The following ADARB2 variants were observed in gnomAD, a reference collection of about 807,000 sequenced individuals.
The protein encoded by ADARB2 is inactive double-stranded RNA-specific editase B2.
A neutral mutation model predicts 62.2 loss-of-function variants in ADARB2; 25 were observed. The observed-to-expected ratio is 0.40, with a 90% confidence interval of 0.29 to 0.56. The LOEUF is 0.56. Ranked by LOEUF, ADARB2 falls within the 20% of genes least tolerant of loss-of-function variation. The probability of loss-of-function intolerance (pLI) is 0.43; values close to 1 mark genes in which losing one functional copy is unlikely to be tolerated. For synonymous variants in ADARB2, 572 were observed against 500.8 expected, an observed-to-expected ratio of 1.14 and a Z score of -1.90; for missense variants, 1,071 against 1,077.4, an observed-to-expected ratio of 0.99 and a Z score of 0.08.
At chr10:1,503,878 G>GCTT (rs1831800007) in intron 1 of ADARB2, among the ~76,000 whole-genome samples, 1 of 152,034 alleles carries the variant, frequency 6.6e-6, no homozygotes, top group Admixed American at 6.6e-5. Flanking sequence ...GCTTCCTGAG[G>GCTT]CCTCCCCAGA....
intron 1 of ADARB2, among the ~76,000 whole-genome samples, chr10:1,480,136 G>GAGAA (rs1310903509): frequency 6.6e-6 from 1 of 152,088 alleles, no homozygotes; most frequent in East Asian, 1.9e-4. Context: ...ACAGGACAAA[G>GAGAA]AGAAAGATAC....
rs1258097114 is a variant in ADARB2 at position 1,464,687 on chromosome 10, G to A, written c.101-85527C>T. 3.0e-5 allele frequency among the ~76,000 whole-genome samples: 3 copies of A among 98,440 alleles called. 1 individual carries two copies. The highest frequency in any genetic ancestry group is 6.6e-5 in the Non-Finnish European group (3 of 45,574). The allele number at this position is 98,440 out of a possible 152,430, so 64.6% of individuals were successfully genotyped here. ...CACACTCCCCCACACACGCGCTGGG[G>A]GCAGTCACAGCGGGCAGTGCACTGG... On this transcript the variant is annotated intron_variant, in intron 1 of 9. Transcript: ENST00000381312.
intron 8 of ADARB2, among the ~76,000 whole-genome samples, chr10:1,196,691 T>C (rs1836916478): frequency 6.6e-6 from 1 of 152,214 alleles, no homozygotes; most frequent in South Asian, 2.1e-4. Context: ...TCTATAAAAA[T>C]GTCTTATTAA....
chr10:1,373,463 G>C (rs1003341335), intron 2 of ADARB2, among the ~76,000 whole-genome samples: 1 of 152,154 alleles, frequency 6.6e-6, no homozygotes, highest in Admixed American at 6.5e-5. Context: ...AACATAACCA[G>C]TGCGTGTACG....
intron 1 of ADARB2, among the ~76,000 whole-genome samples, chr10:1,598,883 C>G (rs1833373163): frequency 6.6e-6 from 1 of 152,192 alleles, no homozygotes; most frequent in African/African-American, 2.4e-5. Context: ...AGGAGTGAAG[C>G]CCAGGGGAGG....
At chr10:1,246,923 C>G (rs1010087941) in intron 4 of ADARB2, among the ~76,000 whole-genome samples, 146 of 152,042 alleles carry the variant, frequency 9.6e-4, no homozygotes, top group African/African-American at 3.3e-3. Flanking sequence ...TTACCTTGGG[C>G]AGTATGGCCA....
At chr10:1,312,903 G>A (rs956886068) in intron 3 of ADARB2, among the ~76,000 whole-genome samples, 8 of 152,184 alleles carry the variant, frequency 5.3e-5, no homozygotes, top group Admixed American at 2.6e-4. Flanking sequence ...CATTTTGTGT[G>A]TTTCGCCATC....
intron 1 of ADARB2, among the ~76,000 whole-genome samples, chr10:1,705,367 G>A (rs747834630): frequency 1.2e-4 from 18 of 152,280 alleles, no homozygotes; most frequent in East Asian, 1.9e-4. Context: ...GGCAGCTGAC[G>A]TGGATGGCAC....
At chr10:1,270,885 A>G in intron 4 of ADARB2, 70 bp downstream of exon 4, 1 of 1,393,746 alleles carries the variant, frequency 7.2e-7, no homozygotes, top group Middle Eastern at 1.8e-4. Flanking sequence ...TTGGCCTCCA[A>G]GATCAGGTAG....
At chr10:1,674,621 C>A (rs752143381) in intron 1 of ADARB2, among the ~76,000 whole-genome samples, 1 of 152,134 alleles carries the variant, frequency 6.6e-6, no homozygotes, top group Non-Finnish European at 1.5e-5. Flanking sequence ...GTTGGGAGGT[C>A]ACAGGGTCCG....
intron 4 of ADARB2, among the ~76,000 whole-genome samples, chr10:1,250,383 A>G (rs760678429): frequency 5.9e-5 from 9 of 152,010 alleles, no homozygotes; most frequent in Non-Finnish European, 1.0e-4. Context: ...TGCTGTCCTC[A>G]AGGCGGTGAG....
chr10:1,270,872 C>T, intron 4 of ADARB2, 83 bp downstream of exon 4: 2 of 1,213,342 alleles, frequency 1.6e-6, no homozygotes, highest in African/African-American at 1.5e-5. Flanking sequence ...AAGAGAGAGC[C>T]TTTTGGCCTC....
chr10:1,413,226 G>C (rs1385046704), intron 1 of ADARB2, among the ~76,000 whole-genome samples: 3 of 152,100 alleles, frequency 2.0e-5, no homozygotes, highest in Admixed American at 2.0e-4. Context: ...GGGCAGCAGG[G>C]GTCCCAGTGA....
chr10:1,733,068 T>A (rs1835253568), intron 1 of ADARB2, among the ~76,000 whole-genome samples: 1 of 152,216 alleles, frequency 6.6e-6, no homozygotes, highest in African/African-American at 2.4e-5. Context: ...TGCTGTCAAA[T>A]GCCTCAAAGA....
chr10:1,675,993 C>T, intron 1 of ADARB2: 7 of 985,126 alleles, frequency 7.1e-6, no homozygotes, highest in Non-Finnish European at 7.2e-6. Flanking sequence ...GCATCCCACC[C>T]ACCCCCGACT....
At chr10:1,658,786 A>ACCTG (rs1834205847) in intron 1 of ADARB2, among the ~76,000 whole-genome samples, 1 of 152,206 alleles carries the variant, frequency 6.6e-6, no homozygotes, top group Non-Finnish European at 1.5e-5. Flanking sequence ...AATTAGCAGG[A>ACCTG]CCTGCCTTTG....
chr10:1,400,983 C>G (rs1261044161), intron 1 of ADARB2, among the ~76,000 whole-genome samples: 1 of 152,172 alleles, frequency 6.6e-6, no homozygotes, highest in Non-Finnish European at 1.5e-5. Flanking sequence ...ATCACTGTCT[C>G]CACCGGAACC....
intron 1 of ADARB2, among the ~76,000 whole-genome samples, chr10:1,418,136 C>A (rs555713594): frequency 6.6e-6 from 1 of 152,290 alleles, no homozygotes; most frequent in African/African-American, 2.4e-5. Flanking sequence ...TTCCGTAAAC[C>A]AAAGGGAGTC....
chr10:1,565,419 GTCTT>G (rs1219094923), intron 1 of ADARB2, among the ~76,000 whole-genome samples: 5 of 152,096 alleles, frequency 3.3e-5, no homozygotes, highest in African/African-American at 1.2e-4. Flanking sequence ...TAAGCACGCT[GTCTT>G]CTCCGGTGCT....
Sources: allele counts gnomAD v4.1 joint callset (sites outside exome capture counted in the v4.1 genomes callset), GRCh38; gene constraint gnomAD v4.1.1; transcripts MANE v1.5; gene names NCBI Gene and HGNC (gene_info 2026-07-23, HGNC 2026-07-21).